RBFOX1: variants seen among roughly 807,000 people sequenced by gnomAD.
RBFOX1 encodes RNA binding fox-1 homolog 1, also known as RNA binding protein fox-1 homolog 1.
A neutral mutation model predicts 57.7 loss-of-function variants in RBFOX1; 8 were observed. The ratio of observed to expected loss-of-function variants is 0.14; its 90% CI spans 0.08 to 0.25. RBFOX1 has a LOEUF of 0.25. RBFOX1 is among the 10% of genes least tolerant of loss of function. The probability of loss-of-function intolerance (pLI) is 1.00; values close to 1 mark genes in which losing one functional copy is unlikely to be tolerated. For missense variants in RBFOX1, 611 were observed against 548.5 expected (o/e 1.11, Z -1.14); for synonymous variants, 326 against 222.4 (o/e 1.47, Z -4.15).
At chr16:5,281,620 A>G (rs2063273648) in intron 1 of RBFOX1, among the ~76,000 whole-genome samples, 1 of 152,212 alleles carries the variant, frequency 6.6e-6, no homozygotes, top group Non-Finnish European at 1.5e-5. Flanking sequence ...TGTTGGTTGC[A>G]TGCATATTTA....
intron 3 of RBFOX1, among the ~76,000 whole-genome samples, chr16:5,673,364 G>A (rs1214609523): frequency 1.3e-5 from 2 of 152,124 alleles, no homozygotes; most frequent in Non-Finnish European, 2.9e-5. Flanking sequence ...TCACACCTCA[G>A]TAAAGAAGGT....
chr16:5,439,584 G>C (rs935791844), intron 1 of RBFOX1, among the ~76,000 whole-genome samples: 6 of 152,078 alleles, frequency 3.9e-5, no homozygotes, highest in African/African-American at 1.4e-4. Flanking sequence ...TGAGAAGGCA[G>C]AGAAAGGACG....
intron 4 of RBFOX1, among the ~76,000 whole-genome samples, chr16:7,268,086 G>A (rs2095218172): frequency 6.6e-6 from 1 of 152,168 alleles, no homozygotes; most frequent in Non-Finnish European, 1.5e-5. Context: ...AAGCTAGCAG[G>A]TTAGTGTGCT....
intron 5 of RBFOX1, among the ~76,000 whole-genome samples, chr16:7,521,793 C>T (rs1001123477): frequency 6.6e-6 from 1 of 152,178 alleles, no homozygotes; most frequent in Non-Finnish European, 1.5e-5. Context: ...AAAGAGAAAA[C>T]TCAGTAGGAA....
intron 3 of RBFOX1, among the ~76,000 whole-genome samples, chr16:7,005,693 C>G (rs2093237422): frequency 6.6e-6 from 1 of 152,162 alleles, no homozygotes; most frequent in Non-Finnish European, 1.5e-5. Flanking sequence ...ACAAGGCCAT[C>G]TCAGGACTGT....
chr16:5,717,855 A>C (rs1171822557), intron 3 of RBFOX1, among the ~76,000 whole-genome samples: 2 of 152,294 alleles, frequency 1.3e-5, no homozygotes, highest in Admixed American at 1.3e-4. Context: ...GGTATTTTTG[A>C]CCATCTGTTT....
chr16:6,745,508 A>G (rs1419303618), intron 3 of RBFOX1, among the ~76,000 whole-genome samples: 1 of 152,216 alleles, frequency 6.6e-6, no homozygotes, highest in Non-Finnish European at 1.5e-5. Context: ...TTGAAAATCA[A>G]TTTATGAAAT....
chr16:7,207,951 C>A (rs539187910), intron 4 of RBFOX1, among the ~76,000 whole-genome samples: 2 of 152,170 alleles, frequency 1.3e-5, no homozygotes, highest in Non-Finnish European at 2.9e-5. Flanking sequence ...CCTGGGGAAG[C>A]TTCTCAGTTA....
At chr16:6,336,500 C>G (rs74005091) in intron 2 of RBFOX1, among the ~76,000 whole-genome samples, 9 of 152,154 alleles carry the variant, frequency 5.9e-5, no homozygotes, top group African/African-American at 2.2e-4. Context: ...AGCATTCTTC[C>G]TACAGAGCTG....
chr16:7,543,665 A>C (rs2083567163), intron 5 of RBFOX1, among the ~76,000 whole-genome samples: 1 of 127,116 alleles, frequency 7.9e-6, no homozygotes, highest in Admixed American at 8.4e-5. Context: ...GCTGGGCAGT[A>C]TCTGTGTGTG....
At chr16:6,837,253 C>G (rs151275939) in intron 3 of RBFOX1, among the ~76,000 whole-genome samples, 40 of 152,206 alleles carry the variant, frequency 2.6e-4, no homozygotes, top group African/African-American at 8.7e-4. Context: ...ATATTGCTCT[C>G]TCATCTGAGC....
chr16:6,817,504 G>A (rs1486331992), intron 3 of RBFOX1, among the ~76,000 whole-genome samples: 2 of 149,226 alleles, frequency 1.3e-5, no homozygotes, highest in East Asian at 4.0e-4. Context: ...GACCAGCCTG[G>A]CCAGCATGGT....
chr16:7,149,880 G>C (rs1412541086), intron 4 of RBFOX1, among the ~76,000 whole-genome samples: 1 of 152,076 alleles, frequency 6.6e-6, no homozygotes, highest in Non-Finnish European at 1.5e-5. Context: ...CTTTCTATCT[G>C]ACCCCTACTC....
At chr16:6,341,585 T>C (rs138794124) in intron 2 of RBFOX1, among the ~76,000 whole-genome samples, 2 of 152,290 alleles carry the variant, frequency 1.3e-5, no homozygotes, top group East Asian at 3.9e-4. Flanking sequence ...TCTTGCAAAA[T>C]ATAGTAATTA....
chr16:6,482,549 C>G (rs1216792938), intron 2 of RBFOX1, among the ~76,000 whole-genome samples: 1 of 152,196 alleles, frequency 6.6e-6, no homozygotes, highest in African/African-American at 2.4e-5. Context: ...TCAAGGTACA[C>G]ATATTTAAAA....
At position 7,089,794 on chromosome 16, in the gene RBFOX1, A is replaced by G. The variant is rs1290097889; in HGVS notation, c.27+37696A>G. On this transcript the variant is annotated intron_variant, in intron 4 of 15. Coordinates refer to ENST00000550418, the MANE Select transcript of RBFOX1 (RefSeq NM_018723.4). Reference sequence around the variant, plus strand: ...CTATTTTCTTCTCTCAGACCAATGCATTTTAGGGCTACATGGCTTTATTAA... The same window carrying G: ...CTATTTTCTTCTCTCAGACCAATGCGTTTTAGGGCTACATGGCTTTATTAA... Among the ~76,000 whole-genome samples the G allele has an allele frequency of 3.9e-5, 6 of 152,138 alleles. No homozygotes were observed. The East Asian group carries it at 1.2e-3, about 29-fold the overall frequency.
chr16:5,551,369 C>T (rs537372762), intron 2 of RBFOX1, among the ~76,000 whole-genome samples: 2 of 152,320 alleles, frequency 1.3e-5, no homozygotes, highest in South Asian at 4.1e-4. Flanking sequence ...CTAGATGCTA[C>T]TGGGTTGTTG....
chr16:7,659,076 T>C (rs758073168), intron 12 of RBFOX1, among the ~76,000 whole-genome samples: 1 of 152,164 alleles, frequency 6.6e-6, no homozygotes, highest in Non-Finnish European at 1.5e-5. Context: ...GCTGTAGGCT[T>C]TTGGTCTTGT....
At chr16:7,608,529 A>T (rs1249386298) in intron 10 of RBFOX1, among the ~76,000 whole-genome samples, 1 of 152,226 alleles carries the variant, frequency 6.6e-6, no homozygotes, top group African/African-American at 2.4e-5. Context: ...GAAGAGACTT[A>T]GCCGTCAGGC....
Sources: gnomAD v4.1 joint callset for allele counts (sites outside exome capture counted in the v4.1 genomes callset) on GRCh38, gnomAD v4.1.1 for gene constraint, MANE v1.5 for transcripts, NCBI Gene and HGNC (gene_info 2026-07-23, HGNC 2026-07-21) for gene names.